Variants in EXOC4 observed in about 807,000 individuals in gnomAD.
EXOC4 encodes exocyst complex component 4.
In EXOC4, 71 loss-of-function variants were observed where a neutral mutation model predicts 107.2. The ratio of observed to expected loss-of-function variants is 0.66; its 90% CI spans 0.55 to 0.81. The LOEUF is 0.81. Among genes scored for constraint, EXOC4 ranks in the 30% least tolerant of loss-of-function variants. The probability of loss-of-function intolerance (pLI) is 0.00; values close to 1 mark genes in which losing one functional copy is unlikely to be tolerated. For synonymous variants in EXOC4, 456 were observed against 441.2 expected (o/e 1.03, Z -0.42); for missense variants, 1,108 against 1,189.6 (o/e 0.93, Z 1.01).
intron 7 of EXOC4, among the ~76,000 whole-genome samples, chr7:133,404,886 ACACACACACACACACACG>A (rs1297754890): frequency 1.7e-3 from 5 of 2,946 alleles, no homozygotes; most frequent in African/African-American, 6.3e-3. Context: ...CCCCCCCAAT[ACACACACACACACACACG>A]CACACACACA....
intron 12 of EXOC4, among the ~76,000 whole-genome samples, chr7:133,906,943 C>G (rs1799580680): frequency 6.6e-6 from 1 of 152,182 alleles, no homozygotes; most frequent in Admixed American, 6.5e-5. Context: ...CCGCACAGCC[C>G]AAGATTCCAT....
At chr7:134,003,353 T>A (rs1240220700) in intron 15 of EXOC4, among the ~76,000 whole-genome samples, 1 of 152,190 alleles carries the variant, frequency 6.6e-6, no homozygotes, top group Non-Finnish European at 1.5e-5. Context: ...GTTTGTGTTC[T>A]GTAATTTGGT....
intron 9 of EXOC4, among the ~76,000 whole-genome samples, chr7:133,582,685 A>G (rs1801306131): frequency 6.6e-6 from 1 of 152,190 alleles, no homozygotes; most frequent in Admixed American, 6.5e-5. Context: ...TAGTATAAAT[A>G]TGAATAATGA....
chr7:133,768,092 G>A (rs1478421227), intron 10 of EXOC4: 3 of 151,866 alleles, frequency 2.0e-5, no homozygotes, highest in East Asian at 1.9e-4. Context: ...ATGAATCCTC[G>A]TGTAAACAAA....
At chr7:133,913,886 A>G (rs1799749160) in intron 12 of EXOC4, among the ~76,000 whole-genome samples, 1 of 152,244 alleles carries the variant, frequency 6.6e-6, no homozygotes, top group Non-Finnish European at 1.5e-5. Context: ...CATTTAAAGT[A>G]TGGATGGAGA....
chr7:133,756,819 A>G (rs1795927530), intron 10 of EXOC4, among the ~76,000 whole-genome samples: 1 of 152,208 alleles, frequency 6.6e-6, no homozygotes, highest in Non-Finnish European at 1.5e-5. Context: ...TATAAAACAC[A>G]TTGCAAGGTT....
At chr7:133,576,727 T>G in intron 9 of EXOC4, 1 of 1,289,744 alleles carries the variant, frequency 7.8e-7, no homozygotes, top group Non-Finnish European at 1.0e-6. Context: ...AACATGGAGA[T>G]AGAGGATATT....
intron 17 of EXOC4, among the ~76,000 whole-genome samples, chr7:134,022,247 G>T (rs1477816161): frequency 6.6e-6 from 1 of 152,102 alleles, no homozygotes; most frequent in African/African-American, 2.4e-5. Flanking sequence ...GTTTTCAGAA[G>T]TTTTGCTTTT....
At chr7:133,947,326 G>T (rs1449872698) in intron 14 of EXOC4, among the ~76,000 whole-genome samples, 2 of 152,188 alleles carry the variant, frequency 1.3e-5, no homozygotes, top group East Asian at 3.9e-4. Context: ...TTTATCTCAA[G>T]TTGTGTGGTT....
Position 133,809,153 on chromosome 7 carries a change from C to A in EXOC4, c.1515-8172C>A, listed in dbSNP as rs117904332. 2.0e-3 allele frequency among the ~76,000 whole-genome samples: 310 copies of A among 152,240 alleles called. 2 individuals carry two copies. The highest frequency in any genetic ancestry group is 3.0e-3 in the Non-Finnish European group (207 of 68,010). ...TGTTGTTTGCATTCTTTACATAAAA[C>A]CAAAACTCAAAATCAAAGGTACAGA... is the stretch of plus-strand genomic sequence containing the variant. On this transcript the variant is annotated intron_variant, in intron 10 of 17. Transcript: ENST00000253861.
intron 6 of EXOC4, among the ~76,000 whole-genome samples, chr7:133,372,246 A>G (rs1209375137): frequency 6.6e-6 from 1 of 152,242 alleles, no homozygotes; most frequent in Non-Finnish European, 1.5e-5. Flanking sequence ...TTATTAAATA[A>G]TATGACACCG....
intron 11 of EXOC4, among the ~76,000 whole-genome samples, chr7:133,840,494 TTTTATTTA>T: frequency 6.6e-6 from 1 of 151,302 alleles, no homozygotes; most frequent in South Asian, 2.1e-4. Flanking sequence ...TTTTATTGTA[TTTTATTTA>T]TTTATTTATT....
rs1796168144 is a variant in EXOC4 at position 133,767,750 on chromosome 7, GTA to G, written c.1515-49570_1515-49569del. 2.0e-5 allele frequency among the ~76,000 whole-genome samples: 3 copies of G among 151,868 alleles called. No homozygotes were observed. The East Asian group carries it at 5.8e-4, about 29-fold the overall frequency. The stretch of plus-strand genomic sequence containing the variant: ...CCCTGCAAAATCAGATAGTTCTGAG[GTA>G]TATAATTTAAAAGCTACTGAACCAT... On this transcript the variant is annotated intron_variant, in intron 10 of 17. Coordinates refer to ENST00000253861, the MANE Select transcript of EXOC4 (RefSeq NM_021807.4).
At chr7:133,275,824 T>C (rs929656516) in intron 2 of EXOC4, among the ~76,000 whole-genome samples, 1 of 151,978 alleles carries the variant, frequency 6.6e-6, no homozygotes, top group Non-Finnish European at 1.5e-5. Context: ...TTCTTTTTTT[T>C]TTTTTTAGAG....
intron 11 of EXOC4, among the ~76,000 whole-genome samples, chr7:133,832,736 G>C (rs1197677966): frequency 6.6e-6 from 1 of 152,126 alleles, no homozygotes; most frequent in East Asian, 1.9e-4. Context: ...TCCATTTAGA[G>C]TTATTATGAA....
intron 13 of EXOC4, among the ~76,000 whole-genome samples, chr7:133,935,063 G>A (rs759670171): frequency 6.6e-6 from 1 of 151,724 alleles, no homozygotes; most frequent in Non-Finnish European, 1.5e-5. Context: ...ATGACATGAA[G>A]CTCAAAAGCA....
intron 17 of EXOC4, among the ~76,000 whole-genome samples, chr7:134,049,659 G>T (rs1461447580): frequency 1.3e-5 from 2 of 152,168 alleles, no homozygotes; most frequent in Non-Finnish European, 2.9e-5. Flanking sequence ...TATGGCCACT[G>T]TCACATTGCT....
chr7:133,345,121 GT>G (rs529000841), intron 5 of EXOC4, among the ~76,000 whole-genome samples: 77 of 152,244 alleles, frequency 5.1e-4, no homozygotes, highest in African/African-American at 1.7e-3. Flanking sequence ...TGTTTTAAAA[GT>G]GCATTTTTAA....
Position 133,558,226 on chromosome 7 carries a change from CTTTTCTTT to C in EXOC4, c.1418-71817_1418-71810del, listed in dbSNP as rs1563107478. Among the ~76,000 whole-genome samples, 82 of 148,560 alleles carry C rather than the reference CTTTTCTTT, an allele frequency of 5.5e-4. 1 individual carries two copies. The East Asian group carries it at 0.016, about 28-fold the overall frequency. On this transcript the variant is annotated intron_variant, in intron 9 of 17. Transcript: ENST00000253861. Reference sequence around the variant, plus strand: ...CTTTTCTTTTCTTTTCTTTTCTTTTCTTTTCTTTTCTTTTCTTTTCTTTTCTTTTCAAA... The same window carrying C: ...CTTTTCTTTTCTTTTCTTTTCTTTTCTCTTTTCTTTTCTTTTCTTTTCAAA...
Sources: allele counts gnomAD v4.1 joint callset (sites outside exome capture counted in the v4.1 genomes callset), GRCh38; gene constraint gnomAD v4.1.1; transcripts MANE v1.5; gene names NCBI Gene and HGNC (gene_info 2026-07-23, HGNC 2026-07-21).